SCLT1: variants seen among roughly 807,000 people sequenced by gnomAD.
SCLT1 encodes sodium channel and clathrin linker 1, also known as sodium channel-associated protein 1.
SCLT1 carries 78 observed loss-of-function variants against 112.8 expected under a neutral mutation model. The ratio of observed to expected loss-of-function variants is 0.69; its 90% CI spans 0.58 to 0.83. SCLT1 has a LOEUF of 0.83. Among genes scored for constraint, SCLT1 ranks in the 40% least tolerant of loss-of-function variants. The pLI is 0.00. For missense variants in SCLT1, 747 were observed against 770.4 expected, an observed-to-expected ratio of 0.97 and a Z score of 0.36; for synonymous variants, 257 against 254.7, an observed-to-expected ratio of 1.01 and a Z score of -0.09.
intron 5 of SCLT1, among the ~76,000 whole-genome samples, chr4:129,027,001 G>A (rs1746165546): frequency 1.3e-5 from 2 of 152,084 alleles, no homozygotes; most frequent in Admixed American, 1.3e-4. Flanking sequence ...ACTAAACCAG[G>A]AAGAAGTTGA....
intron 5 of SCLT1, among the ~76,000 whole-genome samples, chr4:129,013,240 T>C (rs1351261866): frequency 6.6e-6 from 1 of 152,118 alleles, no homozygotes; most frequent in Non-Finnish European, 1.5e-5. Context: ...GAACACGCGG[T>C]ATTTGGTTTT....
At chr4:128,951,762 T>C (rs1738760809) in intron 14 of SCLT1, among the ~76,000 whole-genome samples, 1 of 152,150 alleles carries the variant, frequency 6.6e-6, no homozygotes, top group Admixed American at 6.5e-5. Flanking sequence ...ACTGGCCACA[T>C]TGCATCTCAC....
At chr4:129,092,967 T>C (rs1752985466) in intron 1 of SCLT1, 103 bp downstream of exon 1, 4 of 870,460 alleles carry the variant, frequency 4.6e-6, no homozygotes, top group Non-Finnish European at 7.7e-6. Flanking sequence ...TTTAACTCTT[T>C]ACCAATTTAA....
At chr4:129,026,730 A>T (rs1413034819) in intron 5 of SCLT1, among the ~76,000 whole-genome samples, 1 of 152,202 alleles carries the variant, frequency 6.6e-6, no homozygotes, top group African/African-American at 2.4e-5. Flanking sequence ...CAGAGACACA[A>T]AAAACCCTTC....
rs1579661419 is a variant in SCLT1, at chr4:129,003,895, A to T, written c.291-19T>A. 19 of 1,606,894 alleles carry T rather than the reference A, an allele frequency of 1.2e-5. No homozygotes were observed. In the East Asian group the frequency reaches 4.3e-4, roughly 36 times the overall value. ...GTGCAACCTTTGAAACAAATAGTTAACATGATAGCCTCAAGTCATTTTCGT... is the reference window on the plus strand; with the variant it reads ...GTGCAACCTTTGAAACAAATAGTTATCATGATAGCCTCAAGTCATTTTCGT... On this transcript the variant is annotated intron_variant, in intron 5 of 20. Coordinates refer to ENST00000281142, the MANE Select transcript of SCLT1 (RefSeq NM_144643.4).
chr4:128,898,315 C>A (rs1733962054), intron 18 of SCLT1, among the ~76,000 whole-genome samples: 1 of 152,200 alleles, frequency 6.6e-6, no homozygotes, highest in South Asian at 2.1e-4. Context: ...GAAATTATAA[C>A]AAACTGTCTC....
intron 5 of SCLT1, among the ~76,000 whole-genome samples, chr4:129,017,356 T>C (rs928415394): frequency 6.6e-6 from 1 of 152,180 alleles, no homozygotes; most frequent in Admixed American, 6.5e-5. Flanking sequence ...AAACTTGTTA[T>C]TTGCTCCTTA....
intron 5 of SCLT1, among the ~76,000 whole-genome samples, chr4:129,020,545 A>G (rs935102517): frequency 1.3e-5 from 2 of 152,222 alleles, no homozygotes; most frequent in African/African-American, 4.8e-5. Context: ...GGACTAGAGA[A>G]GAGAGAGAAT....
At chr4:128,952,904 AAC>A (rs1295756118) in intron 13 of SCLT1, 64 bp from the exon 14 acceptor site, 4 of 812,862 alleles carry the variant, frequency 4.9e-6, no homozygotes, top group Non-Finnish European at 8.6e-6. Flanking sequence ...ATCTGATAAA[AAC>A]ACTCAGGATA....
At chr4:128,970,490 TA>T in intron 9 of SCLT1, 22 bp from the exon 10 acceptor site, 1 of 1,311,148 alleles carries the variant, frequency 7.6e-7, no homozygotes, top group Non-Finnish European at 1.1e-6. Context: ...AGTAAATTAA[TA>T]AACACTGTTT....
intron 5 of SCLT1, among the ~76,000 whole-genome samples, chr4:129,029,540 G>T (rs558985224): frequency 2.8e-4 from 41 of 148,222 alleles, no homozygotes; most frequent in Admixed American, 5.4e-4. Flanking sequence ...GGTGGAGGGA[G>T]GGGGGAGGGA....
At chr4:128,968,403 G>C (rs1165260419) in intron 10 of SCLT1, among the ~76,000 whole-genome samples, 1 of 152,048 alleles carries the variant, frequency 6.6e-6, no homozygotes, top group African/African-American at 2.4e-5. Context: ...GAACTTTAAA[G>C]CTCTAGAGTT....
chr4:128,915,435 C>T (rs1457092275), intron 18 of SCLT1, among the ~76,000 whole-genome samples: 1 of 152,204 alleles, frequency 6.6e-6, no homozygotes, highest in Non-Finnish European at 1.5e-5. Flanking sequence ...ATGTTCAGGA[C>T]TATGTATTCC....
At chr4:129,079,595 C>T (rs778999559) in intron 2 of SCLT1, among the ~76,000 whole-genome samples, 2 of 152,186 alleles carry the variant, frequency 1.3e-5, no homozygotes, top group African/African-American at 2.4e-5. Flanking sequence ...GGGTACATTC[C>T]CTGCAGCTGC....
intron 1 of SCLT1, among the ~76,000 whole-genome samples, chr4:129,092,651 C>T (rs1752950429): frequency 6.6e-6 from 1 of 152,186 alleles, no homozygotes; most frequent in African/African-American, 2.4e-5. Flanking sequence ...GAGGTAAAAA[C>T]TGTCCTGTTT....
intron 2 of SCLT1, among the ~76,000 whole-genome samples, chr4:129,079,977 C>T (rs540822930): frequency 2.5e-4 from 38 of 152,328 alleles, no homozygotes; most frequent in African/African-American, 6.7e-4. Flanking sequence ...CAGTTGACTG[C>T]GATGTTATCT....
intron 9 of SCLT1, among the ~76,000 whole-genome samples, chr4:128,973,816 T>G (rs906123926): frequency 5.3e-5 from 8 of 152,256 alleles, no homozygotes; most frequent in Middle Eastern, 3.4e-3. Context: ...ACTATTTTTT[T>G]GGGGGGAAAT....
chr4:128,965,051 CTGT>C (rs1579529077), intron 11 of SCLT1, among the ~76,000 whole-genome samples, 173 bp downstream of exon 11: 2 of 152,172 alleles, frequency 1.3e-5, no homozygotes, highest in African/African-American at 4.8e-5. Context: ...GTATAGCAAT[CTGT>C]TGAATATAGT....
intron 5 of SCLT1, chr4:129,036,487 T>G (rs1747191503): frequency 6.6e-6 from 1 of 151,854 alleles, no homozygotes; most frequent in Admixed American, 6.6e-5. Flanking sequence ...GAAGAGTACA[T>G]CCCTGCTTAA....
Sources: gnomAD v4.1 joint callset for allele counts (sites outside exome capture counted in the v4.1 genomes callset) on GRCh38, gnomAD v4.1.1 for gene constraint, MANE v1.5 for transcripts, NCBI Gene and HGNC (gene_info 2026-07-23, HGNC 2026-07-21) for gene names.